Variants in NUCKS1 observed in about 807,000 individuals in gnomAD.
NUCKS1 encodes the protein nuclear ubiquitous casein and cyclin-dependent kinase substrate 1.
Under a neutral mutation model 33.0 loss-of-function variants are expected in NUCKS1, and 2 were observed. That is an observed-to-expected ratio of 0.06 (90% confidence interval 0.02 to 0.19). NUCKS1 has a LOEUF of 0.19. NUCKS1 is among the 10% of genes least tolerant of loss of function. NUCKS1 has a pLI of 1.00. For missense variants in NUCKS1, 201 were observed against 293.6 expected (o/e 0.68, Z 2.31); for synonymous variants, 106 against 102.8 (o/e 1.03, Z -0.19).
At chr1:205,735,569 C>T (rs556697580) in intron 1 of NUCKS1, among the ~76,000 whole-genome samples, 1 of 152,334 alleles carries the variant, frequency 6.6e-6, no homozygotes, top group Non-Finnish European at 1.5e-5. Context: ...AACACAGATT[C>T]TTGAATTTAC....
intron 1 of NUCKS1, among the ~76,000 whole-genome samples, chr1:205,737,363 C>T (rs1654057478): frequency 6.6e-6 from 1 of 152,170 alleles, no homozygotes; most frequent in African/African-American, 2.4e-5. Flanking sequence ...ATTTATCTTC[C>T]CCAACTTCTT....
intron 1 of NUCKS1, among the ~76,000 whole-genome samples, chr1:205,749,594 CCAA>C (rs1654428676): frequency 6.6e-6 from 1 of 151,998 alleles, no homozygotes. Flanking sequence ...CGCGCTGGCT[CCAA>C]GGGGACGGCC....
chr1:205,731,313 CCTGA>C (rs1260200340), intron 1 of NUCKS1: 1 of 152,290 alleles, frequency 6.6e-6, no homozygotes, highest in Non-Finnish European at 1.5e-5. Flanking sequence ...GTTAGCCTGT[CCTGA>C]CTATTACAAA....
chr1:205,727,630 G>C, intron 3 of NUCKS1, 70 bp downstream of exon 3: 1 of 1,008,270 alleles, frequency 9.9e-7, no homozygotes, highest in Non-Finnish European at 1.6e-6. Flanking sequence ...CAACAATTTA[G>C]AGATCAGAGA....
chr1:205,718,164 T>C lies in NUCKS1; in HGVS notation c.*116A>G. On this transcript the variant is annotated 3_prime_UTR_variant, in exon 7 of 7. Transcript: ENST00000367142. ...GAAAAAAGCACTGAAAGCCCATGAGTCAAGCCATAGCCAAAACCATGTTCT... is the reference window on the plus strand; with the variant it reads ...GAAAAAAGCACTGAAAGCCCATGAGCCAAGCCATAGCCAAAACCATGTTCT... 7.3e-7 allele frequency: 1 copy of C among 1,377,080 alleles called. No homozygotes were observed. Among genetic ancestry groups the C allele is most frequent in the Non-Finnish European group, 9.3e-7 (1 of 1,070,858 alleles). The allele number at this position is 1,377,080 out of a possible 1,614,324, so 85.3% of individuals were successfully genotyped here. A position where few individuals can be genotyped will look rare whatever the true frequency, so the allele number is the denominator to read the frequency against.
chr1:205,743,016 C>T (rs1222565918), intron 1 of NUCKS1, among the ~76,000 whole-genome samples: 2 of 152,130 alleles, frequency 1.3e-5, no homozygotes, highest in East Asian at 3.9e-4. Context: ...TAACACTTTT[C>T]AGCATGCTCA....
chr1:205,735,177 T>C (rs1011889646), intron 1 of NUCKS1, among the ~76,000 whole-genome samples: 28 of 152,238 alleles, frequency 1.8e-4, no homozygotes, highest in African/African-American at 6.3e-4. Flanking sequence ...CATGACATTA[T>C]GGTGAACTGC....
In NUCKS1 at chr1:205,730,039, G is replaced by GA. The variant is rs545408646; in HGVS notation, c.18-419dup. Reference sequence around the variant, plus strand: ...TCCATCTCAAAAAAAAAAAAGAAAAGAAAAAAAAAGAAAATTATTTAATTA... The same window carrying GA: ...TCCATCTCAAAAAAAAAAAAGAAAAGAAAAAAAAAAGAAAATTATTTAATTA... On this transcript the variant is annotated intron_variant, in intron 1 of 6. Transcript: ENST00000367142. Among the ~76,000 whole-genome samples the GA allele has an allele frequency of 3.4e-3, 509 of 149,280 alleles. 3 individuals carry two copies. The highest frequency in any genetic ancestry group is 0.011 in the African/African-American group (460 of 40,556).
At chr1:205,727,254 C>T (rs770486450) in intron 3 of NUCKS1, among the ~76,000 whole-genome samples, 55 of 152,248 alleles carry the variant, frequency 3.6e-4, no homozygotes, top group Admixed American at 9.2e-4. Flanking sequence ...CATGAGCCAC[C>T]ATGTACTCCT....
At chr1:205,746,422 G>A (rs1287217318) in intron 1 of NUCKS1, among the ~76,000 whole-genome samples, 2 of 147,030 alleles carry the variant, frequency 1.4e-5, no homozygotes, top group Non-Finnish European at 3.0e-5. Flanking sequence ...TAGATCCAAG[G>A]TTAATAAACT....
intron 4 of NUCKS1, 69 bp from the exon 5 acceptor site, chr1:205,720,722 T>C (rs1671904207): frequency 2.1e-6 from 3 of 1,425,504 alleles, no homozygotes; most frequent in Non-Finnish European, 2.9e-6. Flanking sequence ...GTGCAAAAGA[T>C]TAATAATTGA....
At chr1:205,730,493 CTTT>C (rs869264716) in intron 1 of NUCKS1, among the ~76,000 whole-genome samples, 1 of 145,432 alleles carries the variant, frequency 6.9e-6, no homozygotes, top group Non-Finnish European at 1.5e-5. Context: ...TTTTCTCTCT[CTTT>C]TTTTTTTTTT....
At chr1:205,723,314 T>C (rs1214659813) in intron 4 of NUCKS1, among the ~76,000 whole-genome samples, 1 of 152,150 alleles carries the variant, frequency 6.6e-6, no homozygotes, top group Non-Finnish European at 1.5e-5. Context: ...ATCTCAATTC[T>C]TAGAAGATTA....
intron 1 of NUCKS1, chr1:205,731,303 G>C (rs1250051612): frequency 6.6e-6 from 1 of 152,274 alleles, no homozygotes; most frequent in East Asian, 1.9e-4. Context: ...AAAGTGAATG[G>C]TTAGCCTGTC....
chr1:205,731,971 T>G (rs1304365292), intron 1 of NUCKS1, among the ~76,000 whole-genome samples: 1 of 152,126 alleles, frequency 6.6e-6, no homozygotes, highest in Non-Finnish European at 1.5e-5. Flanking sequence ...TATTCTTGGC[T>G]GTATAGATTA....
At chr1:205,724,087 C>T (rs1022726687) in intron 3 of NUCKS1, 106 bp from the exon 4 acceptor site, 2 of 844,144 alleles carry the variant, frequency 2.4e-6, no homozygotes, top group African/African-American at 3.3e-5. Context: ...AATACCTCTT[C>T]TATATAAAAT....
chr1:205,749,918 C>A (rs200659858), intron 1 of NUCKS1, 39 bp downstream of exon 1: 5 of 1,597,788 alleles, frequency 3.1e-6, no homozygotes, highest in Non-Finnish European at 3.4e-6. Flanking sequence ...CGCCCCCATC[C>A]CCCTCCAACC....
At chr1:205,746,236 A>C (rs928906281) in intron 1 of NUCKS1, among the ~76,000 whole-genome samples, 1 of 152,068 alleles carries the variant, frequency 6.6e-6, no homozygotes, top group Non-Finnish European at 1.5e-5. Flanking sequence ...TGGAGGTTGC[A>C]ATGAGCCGAG....
At chr1:205,748,548 T>C (rs73080333) in intron 1 of NUCKS1, among the ~76,000 whole-genome samples, 8,572 of 152,296 alleles carry the variant, frequency 0.056, 253 homozygotes, top group Non-Finnish European at 0.062. Flanking sequence ...AGCATAACTT[T>C]CAGAGTAGAG....
Sources: gnomAD v4.1 joint callset for allele counts (sites outside exome capture counted in the v4.1 genomes callset) on GRCh38, gnomAD v4.1.1 for gene constraint, MANE v1.5 for transcripts, NCBI Gene and HGNC (gene_info 2026-07-23, HGNC 2026-07-21) for gene names.